The following SCGB2B2 variants were observed in gnomAD, a reference collection of about 807,000 sequenced individuals.
SCGB2B2 encodes secretoglobin family 2B member 2, also known as secretoglobin-like protein.
SCGB2B2 carries 11 observed loss-of-function variants against 7.6 expected under a neutral mutation model. The observed-to-expected ratio is 1.45, with a 90% CI of 0.91 to 2.40. The LOEUF is 2.40. Ranked by LOEUF, SCGB2B2 falls within the 30% of genes most tolerant of loss-of-function variation. The probability of loss-of-function intolerance (pLI) is 0.00; values close to 1 mark genes in which losing one functional copy is unlikely to be tolerated. For missense variants in SCGB2B2, 104 were observed against 115.4 expected (o/e 0.90, Z 0.45); for synonymous variants, 50 against 48.6 (o/e 1.03, Z -0.12).
At chr19:34,612,048 T>A (rs2065946724) in intron 1 of SCGB2B2, among the ~76,000 whole-genome samples, 1 of 63,998 alleles carries the variant, frequency 1.6e-5, no homozygotes, top group Non-Finnish European at 3.0e-5. Flanking sequence ...TTTTTTTTTT[T>A]TTTTTTTTTT....
intron 1 of SCGB2B2, among the ~76,000 whole-genome samples, chr19:34,662,626 C>T (rs1055024646): frequency 3.3e-5 from 5 of 152,086 alleles, no homozygotes; most frequent in African/African-American, 1.2e-4. Flanking sequence ...AGCTGATCCA[C>T]AGTGTTGGGG....
chr19:34,676,950 C>T lies in SCGB2B2; in HGVS notation c.-3352G>A, dbSNP rs1289011711. ...GATGGCTGCGGGAGGAGTGACTCCT[C>T]CCAGGATGAGGGTCTCCATCCTCCC... is the stretch of plus-strand genomic sequence containing the variant. On this transcript the variant is annotated 5_prime_UTR_variant, in exon 1 of 4. Transcript: ENST00000601241. 6.6e-6 allele frequency: 1 copy of T among 152,030 alleles called. No individual in the cohort carries two copies. The highest frequency in any genetic ancestry group is 1.5e-5 in the Non-Finnish European group (1 of 68,030). 9.4% of individuals were successfully genotyped at this position (152,030 alleles called of 1,614,324 possible). A position where few individuals can be genotyped will look rare whatever the true frequency, so the allele number is the denominator to read the frequency against.
intron 1 of SCGB2B2, among the ~76,000 whole-genome samples, chr19:34,644,351 T>G (rs568992612): frequency 1.2e-4 from 12 of 102,140 alleles, no homozygotes; most frequent in South Asian, 1.1e-3. Flanking sequence ...TGTTTTTTTG[T>G]TTTTTTTTTT....
intron 1 of SCGB2B2, among the ~76,000 whole-genome samples, chr19:34,664,292 C>T (rs1360974800): frequency 1.3e-5 from 2 of 152,206 alleles, no homozygotes; most frequent in Non-Finnish European, 2.9e-5. Context: ...GGCCCCAAGG[C>T]CAGACTACAG....
rs778321207 is a variant in SCGB2B2 at position 34,591,918 on chromosome 19, C to T, written c.*1637G>A. ...TTGAGCTTTGCAACCCCCTCTTCAC[C>T]TTGGATGTGAACTTCAGGGAAGCAG... On this transcript the variant is annotated 3_prime_UTR_variant, in exon 4 of 4. Transcript: ENST00000601241. 6.6e-6 allele frequency among the ~76,000 whole-genome samples: 1 copy of T among 152,202 alleles called. No homozygotes were observed. The highest frequency in any genetic ancestry group is 1.5e-5 in the Non-Finnish European group (1 of 68,040).
chr19:34,677,140 C>G lies in SCGB2B2; in HGVS notation c.-3542G>C, dbSNP rs1257196189. 1 of 137,836 alleles carries G rather than the reference C, an allele frequency of 7.3e-6. No homozygotes were observed. Among genetic ancestry groups the G allele is most frequent in the Middle Eastern group, 3.5e-3 (1 of 288 alleles). The allele number at this position is 137,836 out of a possible 1,614,324, so 8.5% of individuals were successfully genotyped here. A position where few individuals can be genotyped will look rare whatever the true frequency, so the allele number is the denominator to read the frequency against. ...GGCCACAGGGCGTTTTGTGAGTTAT[C>G]GTCTTGGGCAAATGAGTGCCAAAAA... On this transcript the variant is annotated 5_prime_UTR_variant, in exon 1 of 4. Coordinates refer to ENST00000601241, the MANE Select transcript of SCGB2B2 (RefSeq NM_001025591.4).
chr19:34,675,861 C>G lies in SCGB2B2; in HGVS notation c.-2263G>C, dbSNP rs2067916720. On this transcript the variant is annotated 5_prime_UTR_variant, in exon 1 of 4. Transcript: ENST00000601241. ...ACCTTCACAGTGAGTGTTACAGCTC[C>G]TAAAGACGGCGTGTCTGGAGTTGTT... 6.6e-6 allele frequency: 1 copy of G among 152,158 alleles called. No homozygotes were observed. The highest frequency in any genetic ancestry group is 1.5e-5 in the Non-Finnish European group (1 of 68,728). The allele number at this position is 152,158 out of a possible 1,614,324, so 9.4% of individuals were successfully genotyped here.
chr19:34,673,699 A>G (rs544441722), intron 1 of SCGB2B2, among the ~76,000 whole-genome samples: 112 of 152,342 alleles, frequency 7.4e-4, no homozygotes, highest in Non-Finnish European at 1.5e-3. Context: ...TAAGTACATC[A>G]AAACATAGCT....
In SCGB2B2 at chr19:34,595,116, A is replaced by G. The variant is rs2065413620; in HGVS notation, c.-553T>C. The G allele has an allele frequency of 6.3e-6, 1 of 158,296 alleles. No individual in the cohort carries two copies. The highest frequency in any genetic ancestry group is 2.4e-5 in the African/African-American group (1 of 41,562). The allele number at this position is 158,296 out of a possible 1,614,324, so 9.8% of individuals were successfully genotyped here. A position where few individuals can be genotyped will look rare whatever the true frequency, so the allele number is the denominator to read the frequency against. ...AAACACAGAACCTAAAGGACATGAG[A>G]TGTAGCAAGTGTGTTAGGGACACAT... On this transcript the variant is annotated 5_prime_UTR_variant, in exon 2 of 4. Coordinates refer to ENST00000601241, the MANE Select transcript of SCGB2B2 (RefSeq NM_001025591.4).
intron 1 of SCGB2B2, among the ~76,000 whole-genome samples, chr19:34,657,134 A>G (rs1337172469): frequency 6.6e-6 from 1 of 151,424 alleles, no homozygotes; most frequent in Admixed American, 6.6e-5. Flanking sequence ...ACGAACATTT[A>G]TAAACTGACA....
intron 1 of SCGB2B2, among the ~76,000 whole-genome samples, chr19:34,673,418 C>G (rs2067848447): frequency 6.6e-6 from 1 of 152,188 alleles, no homozygotes; most frequent in Non-Finnish European, 1.5e-5. Flanking sequence ...TCGATCCAGA[C>G]CCCAAGAGGG....
chr19:34,641,091 T>C (rs2066827889), intron 1 of SCGB2B2, among the ~76,000 whole-genome samples: 1 of 151,072 alleles, frequency 6.6e-6, no homozygotes, highest in South Asian at 2.1e-4. Context: ...CAAACAAAGA[T>C]TATGACCAAT....
At chr19:34,660,784 A>G (rs1367770681) in intron 1 of SCGB2B2, among the ~76,000 whole-genome samples, 1 of 152,254 alleles carries the variant, frequency 6.6e-6, no homozygotes, top group Admixed American at 6.5e-5. Context: ...GTATATACCC[A>G]AAGAATTATA....
intron 1 of SCGB2B2, among the ~76,000 whole-genome samples, chr19:34,600,637 T>C (rs1300577875): frequency 6.6e-6 from 1 of 152,158 alleles, no homozygotes; most frequent in Non-Finnish European, 1.5e-5. Flanking sequence ...TGTAATGAGG[T>C]TGAGGCCTCT....
chr19:34,597,742 G>C (rs1469774845), intron 1 of SCGB2B2, among the ~76,000 whole-genome samples: 1 of 152,200 alleles, frequency 6.6e-6, no homozygotes, highest in Non-Finnish European at 1.5e-5. Context: ...CAATTATTTG[G>C]TTTTGCCCTG....
In SCGB2B2 at chr19:34,595,610, G is replaced by A. The variant is rs1309805032; in HGVS notation, c.-1047C>T. 7 of 152,306 alleles carry A rather than the reference G, an allele frequency of 4.6e-5. No individual in the cohort carries two copies. Among genetic ancestry groups the A allele is most frequent in the Non-Finnish European group, 1.0e-4 (7 of 68,044 alleles). 9.4% of individuals were successfully genotyped at this position (152,306 alleles called of 1,614,324 possible). ...CTTGCTCTGAGCATGGGAACATGAT[G>A]GCAATTAGGAGGCTTTCCTCCTCAG... On this transcript the variant is annotated 5_prime_UTR_variant, in exon 2 of 4. Coordinates refer to ENST00000601241, the MANE Select transcript of SCGB2B2 (RefSeq NM_001025591.4).
intron 1 of SCGB2B2, among the ~76,000 whole-genome samples, chr19:34,616,944 T>C (rs1457176946): frequency 6.6e-6 from 1 of 152,248 alleles, no homozygotes; most frequent in African/African-American, 2.4e-5. Flanking sequence ...AAACAGGGAA[T>C]CCTTTCCCCA....
chr19:34,667,224 G>A (rs117362826), intron 1 of SCGB2B2, among the ~76,000 whole-genome samples: 26 of 152,236 alleles, frequency 1.7e-4, no homozygotes, highest in Non-Finnish European at 3.7e-4. Flanking sequence ...ACCTCAGGGC[G>A]CTGGGTCTCC....
In SCGB2B2 at chr19:34,592,849, G is replaced by A. The variant is rs1177032429; in HGVS notation, c.*706C>T. On this transcript the variant is annotated 3_prime_UTR_variant, in exon 4 of 4. Coordinates refer to ENST00000601241, the MANE Select transcript of SCGB2B2 (RefSeq NM_001025591.4). ...CTGAGCTGCAGGTATTTATGGGGAC[G>A]CTGAGGCTTGTGACTTAGCCAGGAG... Among the ~76,000 whole-genome samples, 2 of 152,128 alleles carry A rather than the reference G, an allele frequency of 1.3e-5. No individual in the cohort carries two copies. Among genetic ancestry groups the A allele is most frequent in the African/African-American group, 4.8e-5 (2 of 41,424 alleles).
Sources: gnomAD v4.1 joint callset for allele counts (sites outside exome capture counted in the v4.1 genomes callset) on GRCh38, gnomAD v4.1.1 for gene constraint, MANE v1.5 for transcripts, NCBI Gene and HGNC (gene_info 2026-07-23, HGNC 2026-07-21) for gene names.